Variants in SRGAP2 observed in about 807,000 individuals in gnomAD.
The protein encoded by SRGAP2 is SLIT-ROBO Rho GTPase-activating protein 2.
SRGAP2 carries 15 observed loss-of-function variants against 57.2 expected under a neutral mutation model. The ratio of observed to expected loss-of-function variants is 0.26; its 90% CI spans 0.18 to 0.40. SRGAP2 has a LOEUF of 0.40. Ranked by LOEUF, SRGAP2 falls within the 10% of genes least tolerant of loss-of-function variation. The pLI, the probability that SRGAP2 is intolerant of heterozygous loss-of-function variation, is 1.00. For synonymous variants in SRGAP2, 249 were observed against 248.0 expected (o/e 1.00, Z -0.04); for missense variants, 520 against 669.6 (o/e 0.78, Z 2.47).
chr1:206,458,055 A>G lies in SRGAP2; in HGVS notation c.2508-568A>G, dbSNP rs1663980890. Among the ~76,000 whole-genome samples the G allele has an allele frequency of 2.0e-5, 3 of 152,290 alleles. No individual in the cohort carries two copies. In the South Asian group the frequency reaches 6.2e-4, roughly 32 times the overall value. ...TGTAGAGGTATTTCCACACTAAGAA[A>G]ACGCACAAACTGGGCCCCAACTCTG... On this transcript the variant is annotated intron_variant, in intron 21 of 22. Coordinates refer to ENST00000573034, the MANE Select transcript of SRGAP2 (RefSeq NM_015326.5).
intron 4 of SRGAP2, among the ~76,000 whole-genome samples, chr1:206,382,617 GTTTTC>G (rs1655806474): frequency 6.6e-6 from 1 of 151,562 alleles, no homozygotes; most frequent in African/African-American, 2.4e-5. Context: ...AGTTACTTTT[GTTTTC>G]TTTTTTGAGG....
intron 2 of SRGAP2, chr1:206,214,687 G>A (rs1301686099): frequency 6.6e-6 from 1 of 151,624 alleles, no homozygotes; most frequent in Non-Finnish European, 1.5e-5. Context: ...AGCTACTTGG[G>A]AGGCTGAGGC....
chr1:206,303,551 T>C (rs1379666250), intron 3 of SRGAP2, 78 bp downstream of exon 3: 2 of 730,316 alleles, frequency 2.7e-6, no homozygotes, highest in African/African-American at 3.6e-5. Flanking sequence ...GTATGCCACT[T>C]AGATCCAGCT....
intron 7 of SRGAP2, among the ~76,000 whole-genome samples, chr1:206,394,230 A>G (rs1657342236): frequency 6.8e-6 from 1 of 146,830 alleles, no homozygotes; most frequent in African/African-American, 2.5e-5. Context: ...TATTTTTAGT[A>G]GAGATGGGGT....
At chr1:206,392,602 G>C (rs2103099244) in intron 5 of SRGAP2, 87 bp from the exon 6 acceptor site, 1 of 705,116 alleles carries the variant, frequency 1.4e-6, no homozygotes, top group South Asian at 1.5e-5. Flanking sequence ...ATGGGGGAGA[G>C]CTCCAGCTGA....
At chr1:206,308,605 C>T (rs1436878153) in intron 3 of SRGAP2, among the ~76,000 whole-genome samples, 9 of 102,716 alleles carry the variant, frequency 8.8e-5, no homozygotes, top group Non-Finnish European at 1.8e-4. Context: ...GCACTTAGCA[C>T]TTAGATGAAG....
rs80081951 is a variant in SRGAP2 at position 206,460,516 on chromosome 1, C to A, written c.2833-521C>A. ...GGGGAGGCGTATTGGGCTCCTGAAA[C>A]TTTCCTCAGCCCCTGAGGAGGAAGG... On this transcript the variant is annotated intron_variant, in intron 22 of 22. Coordinates refer to ENST00000573034, the MANE Select transcript of SRGAP2 (RefSeq NM_015326.5). Among the ~76,000 whole-genome samples, 798 of 152,236 alleles carry A rather than the reference C, an allele frequency of 5.2e-3. 4 individuals carry two copies. Among genetic ancestry groups the A allele is most frequent in the African/African-American group, 0.018 (745 of 41,528 alleles).
At chr1:206,203,826 C>T in intron 1 of SRGAP2, 176 bp downstream of exon 1, 4 of 1,527,100 alleles carry the variant, frequency 2.6e-6, no homozygotes, top group Non-Finnish European at 2.7e-6. Flanking sequence ...CCAAATCTCC[C>T]AGTACAGCCC....
chr1:206,433,594 C>G (rs1661458247), intron 14 of SRGAP2, among the ~76,000 whole-genome samples: 1 of 151,062 alleles, frequency 6.6e-6, no homozygotes, highest in Admixed American at 6.6e-5. Context: ...TGAGACCACA[C>G]CACTGCACTC....
chr1:206,314,185 A>C (rs1553325280), intron 3 of SRGAP2, among the ~76,000 whole-genome samples: 1 of 147,382 alleles, frequency 6.8e-6, no homozygotes, highest in East Asian at 2.0e-4. Flanking sequence ...CCCAGGCTGG[A>C]GTGCAATGGC....
chr1:206,373,099 CTTTTTTTTTT>C (rs1192726235), intron 4 of SRGAP2, among the ~76,000 whole-genome samples: 6 of 66,436 alleles, frequency 9.0e-5, no homozygotes, highest in South Asian at 4.9e-4. Context: ...CTTTTTTTTT[CTTTTTTTTTT>C]TTTTTTTTCT....
intron 2 of SRGAP2, among the ~76,000 whole-genome samples, chr1:206,298,752 A>G (rs1671721117): frequency 6.6e-6 from 1 of 152,252 alleles, no homozygotes; most frequent in African/African-American, 2.4e-5. Flanking sequence ...TTTTAAAAAA[A>G]CATAATAAGA....
intron 2 of SRGAP2, among the ~76,000 whole-genome samples, chr1:206,279,942 G>A (rs2102684153): frequency 6.6e-6 from 1 of 151,298 alleles, no homozygotes; most frequent in East Asian, 2.0e-4. Flanking sequence ...ATTGGCGGGC[G>A]AGGGGGCAGT....
intron 5 of SRGAP2, among the ~76,000 whole-genome samples, chr1:206,387,125 CA>C (rs782327960): frequency 0.017 from 1,459 of 83,480 alleles, 8 homozygotes; most frequent in Middle Eastern, 0.031. Flanking sequence ...GACTCTGTCT[CA>C]AAAAAAAAAA....
chr1:206,430,983 C>T (rs1261526959), intron 14 of SRGAP2, among the ~76,000 whole-genome samples: 2 of 152,172 alleles, frequency 1.3e-5, no homozygotes, highest in Non-Finnish European at 2.9e-5. Flanking sequence ...TTTTTAGATG[C>T]TGTTCTTTCT....
At chr1:206,421,367 C>T in intron 13 of SRGAP2, 93 bp downstream of exon 13, 2 of 587,946 alleles carry the variant, frequency 3.4e-6, no homozygotes, top group Non-Finnish European at 3.1e-6. Context: ...AGGACAGACA[C>T]CTCTGACTTC....
intron 3 of SRGAP2, among the ~76,000 whole-genome samples, chr1:206,318,977 G>A (rs1287509167): frequency 1.3e-5 from 2 of 152,018 alleles, no homozygotes; most frequent in East Asian, 3.9e-4. Flanking sequence ...GAGCACACAG[G>A]TGCACTTCCC....
At chr1:206,460,902 A>G (rs1464087921) in intron 22 of SRGAP2, 135 bp from the exon 23 acceptor site, 3 of 500,104 alleles carry the variant, frequency 6.0e-6, no homozygotes, top group Admixed American at 3.7e-5. Flanking sequence ...CATATGTTCA[A>G]AGATTTAGGC....
chr1:206,363,336 G>C (rs1284218663), intron 4 of SRGAP2, among the ~76,000 whole-genome samples: 3 of 150,700 alleles, frequency 2.0e-5, no homozygotes, highest in African/African-American at 7.3e-5. Context: ...CTTAAAGAAA[G>C]ATTGCAAAGT....
Sources: gnomAD v4.1 joint callset for allele counts (sites outside exome capture counted in the v4.1 genomes callset) on GRCh38, gnomAD v4.1.1 for gene constraint, MANE v1.5 for transcripts, NCBI Gene and HGNC (gene_info 2026-07-23, HGNC 2026-07-21) for gene names.